UTRN: variants seen among roughly 807,000 people sequenced by gnomAD.
The protein encoded by UTRN is dystrophin-related protein 1.
A neutral mutation model predicts 463.9 loss-of-function variants in UTRN; 283 were observed. That is an observed-to-expected ratio of 0.61 (90% confidence interval 0.55 to 0.67). The LOEUF is 0.67. Ranked by LOEUF, UTRN falls within the 30% of genes least tolerant of loss-of-function variation. The pLI is 0.00. For synonymous variants in UTRN, 1,442 were observed against 1,431.5 expected (o/e 1.01, Z -0.17); for missense variants, 3,922 against 4,084.3 (o/e 0.96, Z 1.08).
chr6:144,438,904 G>C lies in UTRN; in HGVS notation c.1392+9G>C, dbSNP rs772048263. ...TGCTAGAAGAACATAAAGTAAATCT[G>C]TCTCATATTTCTTCGATACCTTATC... On this transcript the variant is annotated intron_variant, in intron 12 of 74. Coordinates refer to ENST00000367545, the MANE Select transcript of UTRN (RefSeq NM_007124.3). 39 of 1,613,660 alleles carry C rather than the reference G, an allele frequency of 2.4e-5. No individual in the cohort carries two copies. Among genetic ancestry groups the C allele is most frequent in the Non-Finnish European group, 3.2e-5 (38 of 1,179,836 alleles).
intron 65 of UTRN, among the ~76,000 whole-genome samples, chr6:144,820,518 T>C (rs959251725): frequency 6.6e-6 from 1 of 152,038 alleles, no homozygotes; most frequent in Non-Finnish European, 1.5e-5. Flanking sequence ...GTCATCACTA[T>C]ATTAATAGCA....
intron 69 of UTRN, among the ~76,000 whole-genome samples, chr6:144,830,812 C>T (rs1419176984): frequency 2.6e-5 from 4 of 151,002 alleles, no homozygotes; most frequent in Middle Eastern, 3.4e-3. Flanking sequence ...CTTATTCTTT[C>T]AATGTGGTTC....
chr6:144,787,865 A>C (rs1562910880), intron 61 of UTRN, among the ~76,000 whole-genome samples: 1 of 152,174 alleles, frequency 6.6e-6, no homozygotes, highest in Non-Finnish European at 1.5e-5. Flanking sequence ...AAAATGGACA[A>C]TAAAAACCTA....
chr6:144,798,662 T>C (rs1777441273), intron 64 of UTRN, among the ~76,000 whole-genome samples: 1 of 152,200 alleles, frequency 6.6e-6, no homozygotes, highest in African/African-American at 2.4e-5. Context: ...ATCTGGAAAA[T>C]AGCCCCAGTT....
At chr6:144,571,584 G>A (rs1454802692) in intron 50 of UTRN, among the ~76,000 whole-genome samples, 1 of 152,094 alleles carries the variant, frequency 6.6e-6, no homozygotes, top group Non-Finnish European at 1.5e-5. Context: ...AAGTTGCTTA[G>A]GGATGCTACT....
At chr6:144,778,632 A>AT (rs58493171) in intron 60 of UTRN, among the ~76,000 whole-genome samples, 4 of 151,074 alleles carry the variant, frequency 2.6e-5, no homozygotes, top group African/African-American at 4.9e-5. Context: ...AATAATAATA[A>AT]AATAAAAAAA....
chr6:144,290,938 T>A (rs545638824), intron 1 of UTRN, among the ~76,000 whole-genome samples: 23 of 151,170 alleles, frequency 1.5e-4, no homozygotes, highest in East Asian at 9.7e-4. Flanking sequence ...CTAATTTTTT[T>A]TTTTTTTTTG....
chr6:144,813,049 G>A (rs1778759028), intron 65 of UTRN, among the ~76,000 whole-genome samples: 1 of 152,086 alleles, frequency 6.6e-6, no homozygotes, highest in Non-Finnish European at 1.5e-5. Context: ...CAATTTCAAG[G>A]ACAGCCCTAA....
intron 58 of UTRN, among the ~76,000 whole-genome samples, chr6:144,760,810 A>G (rs774777233): frequency 6.6e-6 from 1 of 152,230 alleles, no homozygotes; most frequent in Non-Finnish European, 1.5e-5. Context: ...TATATGGCTA[A>G]CAAAAAATAA....
chr6:144,291,798 A>T lies in UTRN; in HGVS notation c.-31A>T. On this transcript the variant is annotated 5_prime_UTR_variant, in exon 2 of 75. In the 5' UTR this introduces an upstream ATG that the reference lacks. Transcript: ENST00000367545. ...AAGCCTTAGAAAGAGGACTTGGTAA[A>T]GTTTTTGGATTATCTTGAAACTCTG... 4 of 1,603,086 alleles carry T rather than the reference A, an allele frequency of 2.5e-6. No homozygotes were observed. The highest frequency in any genetic ancestry group is 2.6e-6 in the Non-Finnish European group (3 of 1,175,698).
chr6:144,600,208 T>C (rs938952298), intron 51 of UTRN, among the ~76,000 whole-genome samples: 3 of 152,300 alleles, frequency 2.0e-5, no homozygotes, highest in African/African-American at 7.2e-5. Context: ...TATCCTTACA[T>C]TGGCCTCCAA....
At chr6:144,310,166 A>G (rs1021671525) in intron 2 of UTRN, among the ~76,000 whole-genome samples, 1 of 152,274 alleles carries the variant, frequency 6.6e-6, no homozygotes, top group Non-Finnish European at 1.5e-5. Context: ...ACACGTGTGC[A>G]GAAGCAAATC....
intron 52 of UTRN, among the ~76,000 whole-genome samples, chr6:144,684,394 G>T (rs1313431024): frequency 6.6e-6 from 1 of 151,912 alleles, no homozygotes; most frequent in African/African-American, 2.4e-5. Context: ...TATTATTGTT[G>T]GTGCCAATAT....
intron 61 of UTRN, among the ~76,000 whole-genome samples, chr6:144,784,137 T>C (rs914748351): frequency 6.6e-6 from 1 of 152,202 alleles, no homozygotes; most frequent in Non-Finnish European, 1.5e-5. Context: ...AGGAACTCCA[T>C]TCAGTCCTAT....
chr6:144,690,819 GGTGT>G lies in UTRN; in HGVS notation c.7653-9265_7653-9262del, dbSNP rs1337537508. On this transcript the variant is annotated intron_variant, in intron 52 of 74. Coordinates refer to ENST00000367545, the MANE Select transcript of UTRN (RefSeq NM_007124.3). ...ACCTGGATTGCCAGGTTCCCCGGTG[GGTGT>G]GTATGTGCTGTAGGCAGTTTCTCCC... 2.0e-5 allele frequency among the ~76,000 whole-genome samples: 3 copies of G among 152,194 alleles called. 1 individual carries two copies. In the Middle Eastern group the frequency reaches 0.01, roughly 518 times the overall value.
At chr6:144,715,733 A>G (rs1410348140) in intron 53 of UTRN, among the ~76,000 whole-genome samples, 1 of 126,350 alleles carries the variant, frequency 7.9e-6, no homozygotes, top group Non-Finnish European at 1.5e-5. Flanking sequence ...TTTCTATAGC[A>G]TTTATCAGAA....
intron 51 of UTRN, among the ~76,000 whole-genome samples, chr6:144,596,988 C>T (rs1210539980): frequency 1.3e-5 from 2 of 152,134 alleles, no homozygotes; most frequent in African/African-American, 4.8e-5. Context: ...CCTGTAATCC[C>T]AGCACTTTGG....
At chr6:144,824,450 T>TGTATATATATTTTATATATATACAC (rs767872623) in intron 66 of UTRN, among the ~76,000 whole-genome samples, 1 of 80,294 alleles carries the variant, frequency 1.2e-5, no homozygotes, top group Non-Finnish European at 2.4e-5. Context: ...TATATACACA[T>TGTATATATATTTTATATATATACAC]ATACAATAAA....
At chr6:144,691,646 A>G (rs1403603774) in intron 52 of UTRN, among the ~76,000 whole-genome samples, 1 of 151,814 alleles carries the variant, frequency 6.6e-6, no homozygotes, top group Non-Finnish European at 1.5e-5. Context: ...TCCCCTTTTA[A>G]CTTCTTCTAT....
Sources: allele counts gnomAD v4.1 joint callset (sites outside exome capture counted in the v4.1 genomes callset), GRCh38; gene constraint gnomAD v4.1.1; transcripts MANE v1.5; gene names NCBI Gene and HGNC (gene_info 2026-07-23, HGNC 2026-07-21).